The following HIF3A variants were observed in gnomAD, a reference collection of about 807,000 sequenced individuals.
HIF3A encodes the protein hypoxia-inducible factor 3-alpha.
Under a neutral mutation model 67.2 loss-of-function variants are expected in HIF3A, and 41 were observed. The ratio of observed to expected loss-of-function variants is 0.61; its 90% CI spans 0.48 to 0.79. HIF3A has a LOEUF of 0.79. HIF3A is among the 30% of genes least tolerant of loss of function. HIF3A has a pLI of 0.00. For synonymous variants in HIF3A, 356 were observed against 374.8 expected (o/e 0.95, Z 0.58); for missense variants, 855 against 898.0 (o/e 0.95, Z 0.61).
chr19:46,326,342 C>T (rs529795665), intron 11 of HIF3A, among the ~76,000 whole-genome samples: 1 of 152,178 alleles, frequency 6.6e-6, no homozygotes, highest in Non-Finnish European at 1.5e-5. Flanking sequence ...ATAGAAAGTA[C>T]AAGTCCCAGA....
intron 13 of HIF3A, among the ~76,000 whole-genome samples, chr19:46,334,301 A>C (rs936764995): frequency 5.3e-5 from 8 of 151,696 alleles, no homozygotes; most frequent in African/African-American, 1.9e-4. Flanking sequence ...CATGTTGGCC[A>C]GGCTGGTCTC....
chr19:46,331,005 T>G, intron 12 of HIF3A, 151 bp from the exon 13 acceptor site: 3 of 504,570 alleles, frequency 5.9e-6, no homozygotes, highest in South Asian at 3.7e-5. Context: ...AGAAGATGGA[T>G]TGGTGGATGG....
At chr19:46,313,249 TCAAACAAA>T (rs111621893) in intron 8 of HIF3A, 248 of 869,924 alleles carry the variant, frequency 2.9e-4, no homozygotes, top group Middle Eastern at 1.8e-3. Context: ...AGACTCTGTC[TCAAACAAA>T]CAAACAAACA....
intron 7 of HIF3A, 79 bp downstream of exon 7, chr19:46,312,346 T>C: frequency 1.9e-6 from 3 of 1,608,868 alleles, no homozygotes; most frequent in African/African-American, 1.3e-5. Context: ...CAGCTCCCCA[T>C]ACCCCAGGAT....
chr19:46,339,856 C>A lies in HIF3A; in HGVS notation c.*234C>A. 2.5e-6 allele frequency: 1 copy of A among 398,392 alleles called. No homozygotes were observed. The highest frequency in any genetic ancestry group is 4.4e-6 in the Non-Finnish European group (1 of 225,796). The allele number at this position is 398,392 out of a possible 1,614,324, so 24.7% of individuals were successfully genotyped here. ...CCTCTGGGAGGTGGTCCCTGGCCCC[C>A]TCCTCCTTCTCTCAGGATTTCTCTT... On this transcript the variant is annotated 3_prime_UTR_variant, in exon 15 of 15. Transcript: ENST00000377670.
chr19:46,297,062 G>A lies in HIF3A; in HGVS notation c.-15G>A, dbSNP rs751048601. 3.4e-5 allele frequency: 45 copies of A among 1,306,194 alleles called. No homozygotes were observed. The African/African-American group carries it at 6.2e-4, about 18-fold the overall frequency. The allele number at this position is 1,306,194 out of a possible 1,614,324, so 80.9% of individuals were successfully genotyped here. On this transcript the variant is annotated 5_prime_UTR_variant, in exon 1 of 15. Transcript: ENST00000377670. This position sits in a 1 kb window ranked among gnomAD's most constrained non-coding sequence, Gnocchi z 4.5. ...TAGGGGCCTCCGAGGGCTCCGGAGC[G>A]GCGACTGGCGAGCCATGGCGCTGGG...
At chr19:46,335,060 T>G in intron 14 of HIF3A, 74 bp downstream of exon 14, 1 of 1,199,686 alleles carries the variant, frequency 8.3e-7, no homozygotes, top group Non-Finnish European at 1.2e-6. Context: ...ATGGAGCCAT[T>G]CCAAAGGTGC....
chr19:46,321,642 C>A, intron 9 of HIF3A, 134 bp from the exon 10 acceptor site: 1 of 774,500 alleles, frequency 1.3e-6, no homozygotes, highest in South Asian at 1.7e-5. Context: ...CCCTTCCTTA[C>A]CCTCTCACTA....
chr19:46,307,640 C>T (rs932878939), intron 3 of HIF3A, among the ~76,000 whole-genome samples: 10 of 150,824 alleles, frequency 6.6e-5, no homozygotes, highest in Admixed American at 6.6e-4. Context: ...CCCAGCTACT[C>T]GGGAGGCTGA....
Position 46,321,073 on chromosome 19 carries a change from G to A in HIF3A, c.1144+512G>A, listed in dbSNP as rs78530520. Among the ~76,000 whole-genome samples the A allele has an allele frequency of 5.8e-3, 888 of 152,234 alleles. 7 individuals carry two copies. The highest frequency in any genetic ancestry group is 0.01 in the Non-Finnish European group (683 of 68,016). On this transcript the variant is annotated intron_variant, in intron 9 of 14. Transcript: ENST00000377670. Reference sequence around the variant, plus strand: ...GGCCACCCATGCTCCTGGGTGTGGGGTGGGATTGCTGATATAATATCCTTT... The same window carrying A: ...GGCCACCCATGCTCCTGGGTGTGGGATGGGATTGCTGATATAATATCCTTT...
intron 1 of HIF3A, among the ~76,000 whole-genome samples, chr19:46,299,157 C>T (rs1473586980): frequency 3.3e-5 from 5 of 152,254 alleles, no homozygotes; most frequent in African/African-American, 9.6e-5. Context: ...GTTCCAGCTG[C>T]ACGTCCCAAG....
At chr19:46,330,251 A>G (rs180951320) in intron 12 of HIF3A, among the ~76,000 whole-genome samples, 4 of 152,190 alleles carry the variant, frequency 2.6e-5, no homozygotes. Flanking sequence ...ATTATTAATG[A>G]ATATAGTTGG....
chr19:46,302,679 G>A (rs1968446566), intron 1 of HIF3A, among the ~76,000 whole-genome samples: 2 of 152,182 alleles, frequency 1.3e-5, no homozygotes, highest in African/African-American at 4.8e-5. Flanking sequence ...TTCAAGACCA[G>A]CCTGGGCAAC....
rs1555778665 is a variant in HIF3A at position 46,308,007 on chromosome 19, T to TAGATAGAC, written c.364-207_364-206insCAGATAGA. Among the ~76,000 whole-genome samples, 11 of 42,654 alleles carry TAGATAGAC rather than the reference T, an allele frequency of 2.6e-4. 1 individual carries two copies. Among genetic ancestry groups the TAGATAGAC allele is most frequent in the Admixed American group, 8.4e-4 (4 of 4,746 alleles). The allele number at this position is 42,654 out of a possible 152,430, so 28.0% of individuals were successfully genotyped here. ...ACAGACAGACAGACAGACAGATAGA[T>TAGATAGAC]AGATAGATAGATGAGGGCCTGGCAC... is the stretch of plus-strand genomic sequence containing the variant. On this transcript the variant is annotated intron_variant, in intron 3 of 14. Transcript: ENST00000377670.
chr19:46,326,240 G>C (rs1970770462), intron 11 of HIF3A, among the ~76,000 whole-genome samples: 1 of 152,134 alleles, frequency 6.6e-6, no homozygotes, highest in Non-Finnish European at 1.5e-5. Context: ...CCTCTACATA[G>C]ACTCCCTAAG....
chr19:46,324,890 TTATA>T (rs548474180), intron 10 of HIF3A, among the ~76,000 whole-genome samples: 1 of 137,070 alleles, frequency 7.3e-6, no homozygotes, highest in Non-Finnish European at 1.6e-5. Flanking sequence ...ATGTTTTTAT[TTATA>T]TATATATATA....
chr19:46,303,720 T>C (rs370896896), intron 1 of HIF3A, 178 bp from the exon 2 acceptor site: 5 of 1,545,900 alleles, frequency 3.2e-6, no homozygotes, highest in Non-Finnish European at 4.4e-6. Context: ...CTCCACAGTG[T>C]AGCCCTTCCA....
At chr19:46,298,515 G>A (rs762768537) in intron 1 of HIF3A, 4 of 1,275,326 alleles carry the variant, frequency 3.1e-6, no homozygotes, top group Non-Finnish European at 4.1e-6. Flanking sequence ...CTGGGCGATG[G>A]TGAGTGGGCC....
In HIF3A at chr19:46,331,282, G is replaced by A. The variant is rs1367030847; in HGVS notation, c.1830+9G>A. Reference sequence around the variant, plus strand: ...TCTTTCCTCTCAGCCTGGTGTGTTGGGGGATTAATGGGATTCTCTGGCCCT... The same window carrying A: ...TCTTTCCTCTCAGCCTGGTGTGTTGAGGGATTAATGGGATTCTCTGGCCCT... On this transcript the variant is annotated intron_variant, in intron 13 of 14. Coordinates refer to ENST00000377670, the MANE Select transcript of HIF3A (RefSeq NM_152795.4). 1.9e-5 allele frequency: 31 copies of A among 1,597,926 alleles called. No homozygotes were observed. Among genetic ancestry groups the A allele is most frequent in the African/African-American group, 2.7e-5 (2 of 74,482 alleles).
Sources: gnomAD v4.1 joint callset for allele counts (sites outside exome capture counted in the v4.1 genomes callset) on GRCh38, gnomAD v4.1.1 for gene constraint, Gnocchi (gnomAD v3.1) non-coding constraint, MANE v1.5 for transcripts, NCBI Gene and HGNC (gene_info 2026-07-23, HGNC 2026-07-21) for gene names.